Variants in RIPPLY3 observed in about 807,000 individuals in gnomAD.
RIPPLY3 encodes the protein protein ripply3.
A neutral mutation model predicts 11.9 loss-of-function variants in RIPPLY3; 8 were observed. That is an observed-to-expected ratio of 0.67 (90% CI 0.40 to 1.21). The LOEUF is 1.21. Ranked by LOEUF, RIPPLY3 falls within the 50% of genes most tolerant of loss-of-function variation. The pLI is 0.01. For synonymous variants in RIPPLY3, 102 were observed against 99.0 expected (o/e 1.03, Z -0.18); for missense variants, 271 against 246.0 (o/e 1.10, Z -0.68).
In RIPPLY3 at chr21:37,018,815, C is replaced by T. The variant is rs1484956110; in HGVS notation, c.*608C>T. ...TCAAGTGATTCTCCTGTCTCAGCCT[C>T]CCAAGTAGCTGGGATTACAGGCATG... On this transcript the variant is annotated 3_prime_UTR_variant, in exon 4 of 4. Transcript: ENST00000329553. The T allele has an allele frequency of 6.6e-6, 1 of 152,002 alleles. No individual in the cohort carries two copies. The highest frequency in any genetic ancestry group is 1.5e-5 in the Non-Finnish European group (1 of 68,126). 9.4% of individuals were successfully genotyped at this position (152,002 alleles called of 1,614,324 possible). A position where few individuals can be genotyped will look rare whatever the true frequency, so the allele number is the denominator to read the frequency against.
chr21:37,007,964 G>A (rs2069482397), intron 1 of RIPPLY3, among the ~76,000 whole-genome samples, 193 bp from the exon 2 acceptor site: 1 of 152,164 alleles, frequency 6.6e-6, no homozygotes, highest in Non-Finnish European at 1.5e-5. Flanking sequence ...CAGAGAACTG[G>A]GGACGTAGCA....
intron 3 of RIPPLY3, among the ~76,000 whole-genome samples, chr21:37,016,562 G>T (rs1052763501): frequency 1.6e-4 from 24 of 152,168 alleles, no homozygotes; most frequent in African/African-American, 4.8e-4. Flanking sequence ...TCGAGGCATG[G>T]TGGCTCATAC....
rs1197896491 is a variant in RIPPLY3 at position 37,012,270 on chromosome 21, G to A, written c.172-1281G>A. Among the ~76,000 whole-genome samples the A allele has an allele frequency of 2.7e-5, 4 of 147,658 alleles. No homozygotes were observed. The South Asian group carries it at 6.3e-4, about 23-fold the overall frequency. Reference sequence around the variant, plus strand: ...ATTATTATTTTTGAGACGGAGTCTCGCTCTGTTGCCAGGCTGGAGTGCAGT... The same window carrying A: ...ATTATTATTTTTGAGACGGAGTCTCACTCTGTTGCCAGGCTGGAGTGCAGT... On this transcript the variant is annotated intron_variant, in intron 2 of 3. Transcript: ENST00000329553.
chr21:37,014,312 C>G (rs2069556825), intron 3 of RIPPLY3, among the ~76,000 whole-genome samples: 1 of 151,944 alleles, frequency 6.6e-6, no homozygotes, highest in African/African-American at 2.4e-5. Context: ...GAGCGAAACT[C>G]TGTCTCCAAA....
At chr21:37,012,749 G>A (rs2069537700) in intron 2 of RIPPLY3, among the ~76,000 whole-genome samples, 1 of 151,994 alleles carries the variant, frequency 6.6e-6, no homozygotes, top group South Asian at 2.1e-4. Context: ...TCAACAGTGG[G>A]TATTCCAGGC....
chr21:37,013,237 G>A (rs1327255043), intron 2 of RIPPLY3, among the ~76,000 whole-genome samples: 2 of 152,078 alleles, frequency 1.3e-5, no homozygotes, highest in African/African-American at 4.8e-5. Flanking sequence ...AGAATCATGG[G>A]TATCTTACCG....
At chr21:37,011,929 C>CAAAAAAAAAAAAAAAA (rs59382996) in intron 2 of RIPPLY3, among the ~76,000 whole-genome samples, 1 of 47,102 alleles carries the variant, frequency 2.1e-5, no homozygotes, top group African/African-American at 7.6e-5. Flanking sequence ...GACTCCGTCT[C>CAAAAAAAAAAAAAAAA]AAAAAAAAAA....
Position 37,006,795 on chromosome 21 carries a change from GAGCCCGGA to G in RIPPLY3, c.26_33del (p.Ala9GlyfsTer39). Reference sequence around the variant, plus strand: ...ACCATGGAGCCCGAAGCGGCGGCCGGAGCCCGGAAGGCGCGGGGGCGCGGCTGTCACTG... The same window carrying G: ...ACCATGGAGCCCGAAGCGGCGGCCGGAGGCGCGGGGGCGCGGCTGTCACTG... On this transcript the variant is annotated frameshift_variant, in exon 1 of 4. Coordinates refer to ENST00000329553, the MANE Select transcript of RIPPLY3 (RefSeq NM_018962.3). LOFTEE classifies it high-confidence loss of function. This position sits in a 1 kb window ranked among gnomAD's most constrained non-coding sequence, Gnocchi z 5.2. The G allele has an allele frequency of 8.1e-7, 1 of 1,233,036 alleles. No homozygotes were observed. The highest frequency in any genetic ancestry group is 3.8e-5 in the South Asian group (1 of 26,226). The allele number at this position is 1,233,036 out of a possible 1,614,324, so 76.4% of individuals were successfully genotyped here.
At chr21:37,012,770 G>A (rs974910976) in intron 2 of RIPPLY3, among the ~76,000 whole-genome samples, 4 of 151,806 alleles carry the variant, frequency 2.6e-5, no homozygotes, top group African/African-American at 7.3e-5. Context: ...ATATGTCACC[G>A]TTTGAGCCCT....
At position 37,018,297 on chromosome 21, in the gene RIPPLY3, G is replaced by GCGT; in HGVS notation, c.*90_*91insCGT. ...AGCCAGGACACTACGCATCCCTGCT[G>GCGT]AGTGTGCAGAGGCTAGAGGCTTCTC... On this transcript the variant is annotated 3_prime_UTR_variant, in exon 4 of 4. Coordinates refer to ENST00000329553, the MANE Select transcript of RIPPLY3 (RefSeq NM_018962.3). 1.8e-6 allele frequency: 2 copies of GCGT among 1,092,894 alleles called. No individual in the cohort carries two copies. The highest frequency in any genetic ancestry group is 2.7e-6 in the Non-Finnish European group (2 of 728,516). The allele number at this position is 1,092,894 out of a possible 1,614,324, so 67.7% of individuals were successfully genotyped here. A position where few individuals can be genotyped will look rare whatever the true frequency, so the allele number is the denominator to read the frequency against.
rs1165762423 is a variant in RIPPLY3 at position 37,006,935 on chromosome 21, G to C, written c.104+59G>C. The C allele has an allele frequency of 1.9e-6, 2 of 1,026,098 alleles. No homozygotes were observed. The highest frequency in any genetic ancestry group is 3.5e-5 in the East Asian group (1 of 28,980). The allele number at this position is 1,026,098 out of a possible 1,614,324, so 63.6% of individuals were successfully genotyped here. ...GAGAGGCGTGCGCGGTGGCGGTGCG[G>C]GGAGCGCAGCGAGCGGGAGGCTGGG... On this transcript the variant is annotated intron_variant, in intron 1 of 3. Transcript: ENST00000329553. The surrounding 1 kb of genome is among the most constrained non-coding windows in gnomAD (Gnocchi z 5.2).
chr21:37,011,125 T>C (rs2069517225), intron 2 of RIPPLY3, among the ~76,000 whole-genome samples: 1 of 152,044 alleles, frequency 6.6e-6, no homozygotes, highest in Non-Finnish European at 1.5e-5. Context: ...TGCCTCAGCC[T>C]CCAAGTAGCT....
rs150799198 is a variant in RIPPLY3, at chr21:37,018,062, G to A, written c.428G>A (p.Arg143Gln). Residue 143 changes from arginine (R) to glutamine (Q), a missense_variant, in exon 4 of 4, where the codon CGG becomes CAG. By Grantham distance (43) the Arg-to-Gln change is conservative. Transcript: ENST00000329553. ...LHLLPQEVGG[R>Q]QENGPGGKGR... is the part of the protein sequence containing the mutation. ...CTTCTGCCCCAGGAGGTGGGAGGTCGGCAGGAAAATGGCCCAGGGGGAAAG... is the reference window on the plus strand; with the variant it reads ...CTTCTGCCCCAGGAGGTGGGAGGTCAGCAGGAAAATGGCCCAGGGGGAAAG... 402 of 1,614,036 alleles carry A rather than the reference G, an allele frequency of 2.5e-4. 1 individual carries two copies. In the African/African-American group the frequency reaches 3.1e-3, roughly 13 times the overall value.
Position 37,016,930 on chromosome 21 carries a change from C to T in RIPPLY3, c.240-944C>T, listed in dbSNP as rs1020703600. Among the ~76,000 whole-genome samples, 18 of 151,878 alleles carry T rather than the reference C, an allele frequency of 1.2e-4. No individual in the cohort carries two copies. In the South Asian group the frequency reaches 2.7e-3, roughly 23 times the overall value. On this transcript the variant is annotated intron_variant, in intron 3 of 3. Coordinates refer to ENST00000329553, the MANE Select transcript of RIPPLY3 (RefSeq NM_018962.3). ...CAGCACTGTTGGAGGCCGAGCTGGG[C>T]GAATCATTTGAGGTCAGGAGTTCGA...
At chr21:37,012,717 G>A (rs1240406940) in intron 2 of RIPPLY3, among the ~76,000 whole-genome samples, 10 of 152,040 alleles carry the variant, frequency 6.6e-5, no homozygotes. Flanking sequence ...TCCAGTTCCT[G>A]TATCCAGAGT....
rs756099712 is a variant in RIPPLY3 at position 37,008,170 on chromosome 21, C to T, written c.118C>T (p.Arg40Ter). 4.3e-6 allele frequency: 7 copies of T among 1,614,124 alleles called. No individual in the cohort carries two copies. The highest frequency in any genetic ancestry group is 5.1e-6 in the Non-Finnish European group (6 of 1,180,004). The change falls in exon 2 of 4, where the codon CGA (arginine) becomes TGA (stop). Residue 40 changes from arginine to a stop codon, truncating the protein, a stop_gained. Transcript: ENST00000329553. LOFTEE classifies it high-confidence loss of function. ...TTGCCGTTCCAGCCCCGCGCCGTGG[C>T]GACCTTGGATCCAGACACCTGGAGA... ...PRGPESPAPW[R>*]PWIQTPGDAE...
chr21:37,007,263 G>A (rs1020125342), intron 1 of RIPPLY3, among the ~76,000 whole-genome samples: 5 of 152,138 alleles, frequency 3.3e-5, no homozygotes, highest in East Asian at 1.9e-4. Flanking sequence ...CTGGATTGGG[G>A]GCTCGGCGTT....
chr21:37,006,342 C>A, upstream of RIPPLY3: 1 of 156,008 alleles, frequency 6.4e-6, no homozygotes, highest in Non-Finnish European at 1.4e-5. The surrounding 1 kb of genome is among the most constrained non-coding windows in gnomAD (Gnocchi z 5.2). Context: ...CCCGCTGTCT[C>A]CAGCCCGAGC....
intron 3 of RIPPLY3, among the ~76,000 whole-genome samples, chr21:37,014,689 A>T (rs1233282578): frequency 3.3e-5 from 5 of 152,226 alleles, no homozygotes; most frequent in Non-Finnish European, 5.9e-5. Flanking sequence ...CAGTCTCCTC[A>T]GACTGGTCAG....
Sources: gnomAD v4.1 joint callset for allele counts (sites outside exome capture counted in the v4.1 genomes callset) on GRCh38, gnomAD v4.1.1 for gene constraint, Gnocchi (gnomAD v3.1) non-coding constraint, MANE v1.5 for transcripts, NCBI Gene and HGNC (gene_info 2026-07-23, HGNC 2026-07-21) for gene names.